IL15: variants seen among roughly 807,000 people sequenced by gnomAD.
IL15 encodes interleukin 15, also known as interleukin-15.
IL15 carries 11 observed loss-of-function variants against 19.6 expected under a neutral mutation model. That is an observed-to-expected ratio of 0.56 (90% CI 0.35 to 0.93). IL15 has a LOEUF of 0.93. Among genes scored for constraint, IL15 ranks in the 40% least tolerant of loss-of-function variants. The pLI, the probability that IL15 is intolerant of heterozygous loss-of-function variation, is 0.01. For synonymous variants in IL15, 58 were observed against 59.6 expected, an observed-to-expected ratio of 0.97 and a Z score of 0.12; for missense variants, 197 against 186.5, an observed-to-expected ratio of 1.06 and a Z score of -0.33.
rs376555911 is a variant in IL15, at chr4:141,732,250, A to G, written c.379-488A>G. Among the ~76,000 whole-genome samples, 16 of 152,312 alleles carry G rather than the reference A, an allele frequency of 1.1e-4. 1 individual carries two copies. The South Asian group carries it at 3.3e-3, about 32-fold the overall frequency. ...TTAAGTGCGAGTAGCAGCAGCTAAA[A>G]TAGGAATGAATGTAACAGAGAGAAA... On this transcript the variant is annotated intron_variant, in intron 7 of 7. Coordinates refer to ENST00000320650, the MANE Select transcript of IL15 (RefSeq NM_000585.5).
intron 2 of IL15, among the ~76,000 whole-genome samples, chr4:141,675,667 C>A (rs955769343): frequency 6.6e-6 from 1 of 152,036 alleles, no homozygotes; most frequent in Non-Finnish European, 1.5e-5. Flanking sequence ...CATGACATTA[C>A]AAGAAAAAGT....
At chr4:141,667,081 G>A (rs1185325165) in intron 2 of IL15, among the ~76,000 whole-genome samples, 1 of 152,164 alleles carries the variant, frequency 6.6e-6, no homozygotes, top group Non-Finnish European at 1.5e-5. Flanking sequence ...CGGGTGGGTG[G>A]CACATCCCAT....
chr4:141,682,806 A>C (rs1396810070), intron 2 of IL15, among the ~76,000 whole-genome samples: 2 of 152,082 alleles, frequency 1.3e-5, no homozygotes, highest in East Asian at 3.9e-4. Context: ...AATACAAAAA[A>C]AATTAGCCGG....
At chr4:141,687,089 G>A (rs942219315) in intron 2 of IL15, among the ~76,000 whole-genome samples, 6 of 152,152 alleles carry the variant, frequency 3.9e-5, no homozygotes, top group African/African-American at 1.4e-4. Context: ...TGCCCAGGAA[G>A]TTCATTGTTT....
intron 2 of IL15, among the ~76,000 whole-genome samples, chr4:141,699,756 G>T (rs946318859): frequency 9.9e-5 from 15 of 152,050 alleles, no homozygotes; most frequent in Non-Finnish European, 4.4e-5. Context: ...ACAGATATTT[G>T]GTTAGTGGCT....
At chr4:141,666,456 G>T (rs1560909033) in intron 2 of IL15, among the ~76,000 whole-genome samples, 2 of 152,152 alleles carry the variant, frequency 1.3e-5, no homozygotes, top group Non-Finnish European at 2.9e-5. Flanking sequence ...CCGGGACTCA[G>T]GTGATCCTCC....
intron 2 of IL15, among the ~76,000 whole-genome samples, chr4:141,691,138 A>C (rs1728897648): frequency 8.3e-5 from 1 of 12,104 alleles, no homozygotes; most frequent in Non-Finnish European, 1.5e-4. Context: ...ACAAAGTGGC[A>C]GGAGCGATAG....
intron 2 of IL15, among the ~76,000 whole-genome samples, chr4:141,668,530 T>C (rs1005659864): frequency 2.0e-5 from 3 of 152,230 alleles, no homozygotes; most frequent in African/African-American, 7.2e-5. Context: ...CTACCCTTCA[T>C]GTTGGTATCT....
At chr4:141,667,048 G>T (rs1560909309) in intron 2 of IL15, among the ~76,000 whole-genome samples, 1 of 152,188 alleles carries the variant, frequency 6.6e-6, no homozygotes, top group Admixed American at 6.5e-5. Context: ...TTGCAGAAAG[G>T]TGAAGAAGAA....
At chr4:141,663,074 T>C (rs2152162982) in intron 2 of IL15, among the ~76,000 whole-genome samples, 1 of 152,142 alleles carries the variant, frequency 6.6e-6, no homozygotes, top group South Asian at 2.1e-4. Context: ...CATGATCAAG[T>C]AGGGTTCATT....
chr4:141,732,633 C>G lies in IL15; in HGVS notation c.379-105C>G, dbSNP rs1730486716. 3.5e-6 allele frequency: 5 copies of G among 1,439,132 alleles called. No individual in the cohort carries two copies. The East Asian group carries it at 1.3e-4, about 36-fold the overall frequency. The allele number at this position is 1,439,132 out of a possible 1,614,324, so 89.1% of individuals were successfully genotyped here. On this transcript the variant is annotated intron_variant, in intron 7 of 7. Coordinates refer to ENST00000320650, the MANE Select transcript of IL15 (RefSeq NM_000585.5). Reference sequence around the variant, plus strand: ...TTTATTTGCTAAAGCTTTCATATCTCAAGACCTCACCATATGGTTCAAACG... The same window carrying G: ...TTTATTTGCTAAAGCTTTCATATCTGAAGACCTCACCATATGGTTCAAACG...
At chr4:141,650,209 T>C (rs1348775622) in intron 1 of IL15, among the ~76,000 whole-genome samples, 1 of 151,844 alleles carries the variant, frequency 6.6e-6, no homozygotes, top group Non-Finnish European at 1.5e-5. Flanking sequence ...CAGAAAATTG[T>C]AACTAGGATG....
At chr4:141,720,045 A>G (rs1730021236) in intron 3 of IL15, among the ~76,000 whole-genome samples, 1 of 152,144 alleles carries the variant, frequency 6.6e-6, no homozygotes, top group Non-Finnish European at 1.5e-5. Flanking sequence ...CATAATTTAC[A>G]TGAAGTTAAT....
chr4:141,666,226 G>T (rs1042017621), intron 2 of IL15, among the ~76,000 whole-genome samples: 1 of 151,988 alleles, frequency 6.6e-6, no homozygotes, highest in African/African-American at 2.4e-5. Flanking sequence ...TCAGCCTCCC[G>T]AGTAGCTGGG....
intron 1 of IL15, among the ~76,000 whole-genome samples, chr4:141,652,618 T>C (rs1398126373): frequency 1.3e-5 from 2 of 152,076 alleles, no homozygotes; most frequent in Non-Finnish European, 2.9e-5. Flanking sequence ...ACATTTCATG[T>C]GAAGCTAAGT....
intron 5 of IL15, among the ~76,000 whole-genome samples, chr4:141,725,352 G>A (rs1730222454): frequency 6.6e-6 from 1 of 152,104 alleles, no homozygotes; most frequent in Non-Finnish European, 1.5e-5. Context: ...ATGAGGGCAG[G>A]TCCTACTGCA....
chr4:141,707,144 G>A (rs937850165), intron 2 of IL15, among the ~76,000 whole-genome samples: 6 of 152,056 alleles, frequency 3.9e-5, no homozygotes, highest in East Asian at 1.9e-4. Flanking sequence ...TATTTCAAAC[G>A]CCTGTTTTCT....
intron 5 of IL15, among the ~76,000 whole-genome samples, chr4:141,722,713 T>C (rs1030591594): frequency 6.6e-6 from 1 of 152,142 alleles, no homozygotes; most frequent in African/African-American, 2.4e-5. Context: ...GTGGATCAGA[T>C]GTTGGAATTC....
At chr4:141,642,630 C>G (rs1379569425) in intron 1 of IL15, among the ~76,000 whole-genome samples, 3 of 152,198 alleles carry the variant, frequency 2.0e-5, no homozygotes, top group African/African-American at 7.2e-5. Context: ...GCAGTCTCCT[C>G]TTCTAGCCTC....
Sources: gnomAD v4.1 joint callset for allele counts (sites outside exome capture counted in the v4.1 genomes callset) on GRCh38, gnomAD v4.1.1 for gene constraint, MANE v1.5 for transcripts, NCBI Gene and HGNC (gene_info 2026-07-23, HGNC 2026-07-21) for gene names.